Variants in SRSF5 observed in about 807,000 individuals in gnomAD.
SRSF5 encodes the protein serine and arginine rich splicing factor 5.
Under a neutral mutation model 34.0 loss-of-function variants are expected in SRSF5, and 5 were observed. The ratio of observed to expected loss-of-function variants is 0.15; its 90% CI spans 0.08 to 0.31. The LOEUF (loss-of-function observed/expected upper bound fraction) is 0.31, where lower values mean the gene tolerates loss of function less well. Ranked by LOEUF, SRSF5 falls within the 10% of genes least tolerant of loss-of-function variation. The probability of loss-of-function intolerance (pLI) is 1.00; values close to 1 mark genes in which losing one functional copy is unlikely to be tolerated. For missense variants in SRSF5, 223 were observed against 351.4 expected, an observed-to-expected ratio of 0.63 and a Z score of 2.92; for synonymous variants, 164 against 117.7, an observed-to-expected ratio of 1.39 and a Z score of -2.55.
Position 69,768,293 on chromosome 14 carries a change from A to T in SRSF5, c.126+11A>T. 1 of 1,614,124 alleles carries T rather than the reference A, an allele frequency of 6.2e-7. No individual in the cohort carries two copies. The highest frequency in any genetic ancestry group is 1.3e-5 in the African/African-American group (1 of 75,060). ...GGCTTTGGTTTTGTGGTAAGTATTT[A>T]GAACTGGGTGAATTATCTGCTAAGT... On this transcript the variant is annotated intron_variant, in intron 2 of 7. Transcript: ENST00000557154.
chr14:69,771,162 T>C, intron 7 of SRSF5, 32 bp from the exon 8 acceptor site: 2 of 1,613,872 alleles, frequency 1.2e-6, no homozygotes, highest in Non-Finnish European at 1.7e-6. Flanking sequence ...TGTAGAGTCT[T>C]ATCTAGGCTG....
chr14:69,767,891 G>T, intron 1 of SRSF5: 1 of 450,092 alleles, frequency 2.2e-6, no homozygotes, highest in South Asian at 2.1e-5. Flanking sequence ...GTGCGGCTGC[G>T]CAGTTGGAAA....
chr14:69,771,553 G>A lies in SRSF5; in HGVS notation c.*92G>A. 1 of 1,400,816 alleles carries A rather than the reference G, an allele frequency of 7.1e-7. No homozygotes were observed. 86.8% of individuals were successfully genotyped at this position (1,400,816 alleles called of 1,614,324 possible). A position where few individuals can be genotyped will look rare whatever the true frequency, so the allele number is the denominator to read the frequency against. On this transcript the variant is annotated 3_prime_UTR_variant, in exon 8 of 8. Coordinates refer to ENST00000557154, the MANE Select transcript of SRSF5 (RefSeq NM_001320214.2). ...ACTTGCTAAAAATTCTGGTAAGTAT[G>A]TGCTTTTCTGTGGGGGTGGGATTTG...
intron 1 of SRSF5, chr14:69,767,500 A>G (rs915701668): frequency 2.2e-4 from 100 of 455,842 alleles, no homozygotes; most frequent in Non-Finnish European, 1.1e-4. Context: ...GCCAGTCTTA[A>G]TGTCTTCATC....
At chr14:69,767,885 G>T in intron 1 of SRSF5, 1 of 441,378 alleles carries the variant, frequency 2.3e-6, no homozygotes, top group Non-Finnish European at 4.2e-6. Flanking sequence ...GAGAGTGTGC[G>T]GCTGCGCAGT....
At chr14:69,770,149 A>C (rs1226758196) in intron 5 of SRSF5, 9 of 1,069,562 alleles carry the variant, frequency 8.4e-6, no homozygotes, top group Non-Finnish European at 1.0e-5. Context: ...TACTTTAAAA[A>C]TATGTACTGT....
intron 5 of SRSF5, chr14:69,770,161 T>G (rs1883026885): frequency 1.5e-5 from 16 of 1,089,254 alleles, no homozygotes; most frequent in East Asian, 6.1e-5. Flanking sequence ...ATGTACTGTT[T>G]CCTTTTTTGT....
Position 69,771,275 on chromosome 14 carries a change from T to G in SRSF5, c.633T>G (p.Ser211=). The G allele has an allele frequency of 6.2e-7, 1 of 1,614,130 alleles. No homozygotes were observed. The highest frequency in any genetic ancestry group is 2.2e-5 in the East Asian group (1 of 44,888). Residue 211 remains serine (S), a synonymous_variant, in exon 8 of 8, where the codon TCT becomes TCG. Transcript: ENST00000557154. ...GATCCCGTTCCCGTAGTCGCAAATCTTACAGCCGGTCAAGAAGCAGGAGCA... is the reference window on the plus strand; with the variant it reads ...GATCCCGTTCCCGTAGTCGCAAATCGTACAGCCGGTCAAGAAGCAGGAGCA... ...RSRSRSRSRK[S]YSRSRSRSRS... is the part of the protein sequence containing the mutation.
chr14:69,768,100 G>C lies in SRSF5; in HGVS notation c.-19-38G>C, dbSNP rs141646233. On this transcript the variant is annotated intron_variant, in intron 1 of 7. Transcript: ENST00000557154. ...TTTAATCAGGCGTTTCTCTGTGACA[G>C]TCATTGCTATTATCTCGATTGAATT... The C allele has an allele frequency of 8.1e-6, 13 of 1,609,354 alleles. No homozygotes were observed. The Middle Eastern group carries it at 5.0e-4, about 62-fold the overall frequency.
At chr14:69,769,329 T>C in intron 5 of SRSF5, 78 bp downstream of exon 5, 1 of 1,568,968 alleles carries the variant, frequency 6.4e-7, no homozygotes, top group Non-Finnish European at 8.6e-7. Context: ...TTGTATTGTT[T>C]TATTAAAAGT....
At chr14:69,769,018 T>G in intron 4 of SRSF5, 122 bp downstream of exon 4, 1 of 1,288,662 alleles carries the variant, frequency 7.8e-7, no homozygotes, top group Non-Finnish European at 1.1e-6. Context: ...ATTCCCACGT[T>G]AGCCAGTTGT....
In SRSF5 at chr14:69,771,094, C is replaced by T. The variant is rs1485846660; in HGVS notation, c.540C>T (p.Ser180=). 2 of 1,613,766 alleles carry T rather than the reference C, an allele frequency of 1.2e-6. No individual in the cohort carries two copies. The highest frequency in any genetic ancestry group is 1.7e-6 in the Non-Finnish European group (2 of 1,179,912). ...GAAAAATAAAATTAATTGAAGGCAG[C>T]AAAAGGCACAGGTATCTCTAATTTT... ...NGRKIKLIEG[S]KRHSRSRSRS... Residue 180 remains serine, a synonymous_variant, in exon 7 of 8, where the codon AGC becomes AGT. Transcript: ENST00000557154.
Position 69,771,650 on chromosome 14 carries a change from A to G in SRSF5, c.*189A>G, listed in dbSNP as rs1370856475. Reference sequence around the variant, plus strand: ...CAAGGGGTTGTTGAAAACTAATTGTATTAAATGTCTTTTGATAAGCCTTCT... The same window carrying G: ...CAAGGGGTTGTTGAAAACTAATTGTGTTAAATGTCTTTTGATAAGCCTTCT... On this transcript the variant is annotated 3_prime_UTR_variant, in exon 8 of 8. Transcript: ENST00000557154. 3.7e-5 allele frequency: 24 copies of G among 647,114 alleles called. No homozygotes were observed. Among genetic ancestry groups the G allele is most frequent in the Non-Finnish European group, 5.4e-5 (21 of 389,212 alleles). The allele number at this position is 647,114 out of a possible 1,614,324, so 40.1% of individuals were successfully genotyped here.
intron 5 of SRSF5, 27 bp from the exon 6 acceptor site, chr14:69,770,440 T>C: frequency 6.2e-7 from 1 of 1,608,540 alleles, no homozygotes; most frequent in Non-Finnish European, 8.5e-7. Context: ...TCCTCTTCTT[T>C]GCTTAACACA....
intron 6 of SRSF5, chr14:69,770,779 GC>G (rs1259923522): frequency 1.6e-6 from 1 of 636,888 alleles, no homozygotes; most frequent in African/African-American, 1.8e-5. Context: ...ATCCTGCTAA[GC>G]ATCCCACGGT....
chr14:69,768,091 T>G lies in SRSF5; in HGVS notation c.-19-47T>G. On this transcript the variant is annotated intron_variant, in intron 1 of 7. Coordinates refer to ENST00000557154, the MANE Select transcript of SRSF5 (RefSeq NM_001320214.2). ...TTTTGATTGTTTAATCAGGCGTTTCTCTGTGACAGTCATTGCTATTATCTC... is the reference window on the plus strand; with the variant it reads ...TTTTGATTGTTTAATCAGGCGTTTCGCTGTGACAGTCATTGCTATTATCTC... 1.9e-6 allele frequency: 3 copies of G among 1,602,562 alleles called. No homozygotes were observed. In the Admixed American group the frequency reaches 5.1e-5, roughly 27 times the overall value.
Position 69,768,237 on chromosome 14 carries a change from T to G in SRSF5, c.81T>G (p.Tyr27Ter). The change falls in exon 2 of 8, where the codon TAT (tyrosine) becomes TAG (stop). Residue 27 changes from tyrosine to a stop codon, truncating the protein, a stop_gained. Coordinates refer to ENST00000557154, the MANE Select transcript of SRSF5 (RefSeq NM_001320214.2). LOFTEE classifies it high-confidence loss of function. ...ACGTGGAAAGATTCTTCAAGGGATA[T>G]GGACGGATAAGAGATATTGATCTGA... Reference protein sequence around the residue: ...EKDVERFFKGYGRIRDIDLKR... With the variant: ...EKDVERFFKG 2 of 1,614,236 alleles carry G rather than the reference T, an allele frequency of 1.2e-6. No homozygotes were observed. The highest frequency in any genetic ancestry group is 1.7e-6 in the Non-Finnish European group (2 of 1,180,042).
chr14:69,768,541 T>C, intron 2 of SRSF5, 63 bp from the exon 3 acceptor site: 1 of 1,492,332 alleles, frequency 6.7e-7, no homozygotes, highest in Non-Finnish European at 9.3e-7. Context: ...ATTTCAGTGC[T>C]CTTAATGTGT....
In SRSF5 at chr14:69,767,200, C is replaced by G. The variant is rs1365866344; in HGVS notation, c.-75C>G. 2.8e-6 allele frequency: 1 copy of G among 357,076 alleles called. No individual in the cohort carries two copies. 22.1% of individuals were successfully genotyped at this position (357,076 alleles called of 1,614,324 possible). On this transcript the variant is annotated 5_prime_UTR_variant, in exon 1 of 8. Coordinates refer to ENST00000557154, the MANE Select transcript of SRSF5 (RefSeq NM_001320214.2). ...CTGGTCTGCGTGGAGGTCGACGACT[C>G]CGTCGCAGACTACGGACCTGTCTGG...
Sources: allele counts gnomAD v4.1 joint callset, GRCh38; gene constraint gnomAD v4.1.1; transcripts MANE v1.5; gene names NCBI Gene and HGNC (gene_info 2026-07-23, HGNC 2026-07-21).